METTL25: variants seen among roughly 807,000 people sequenced by gnomAD.
METTL25 encodes methyltransferase like 25.
METTL25 carries 64 observed loss-of-function variants against 71.6 expected under a neutral mutation model. The observed-to-expected ratio is 0.89, with a 90% CI of 0.73 to 1.10. The LOEUF is 1.10. Ranked by LOEUF, METTL25 falls within the 50% of genes least tolerant of loss-of-function variation. The probability of loss-of-function intolerance (pLI) is 0.00; values close to 1 mark genes in which losing one functional copy is unlikely to be tolerated. For synonymous variants in METTL25, 287 were observed against 250.3 expected (o/e 1.15, Z -1.38); for missense variants, 807 against 707.0 (o/e 1.14, Z -1.60).
intron 1 of METTL25, among the ~76,000 whole-genome samples, chr12:82,360,110 A>G (rs993143516): frequency 3.3e-5 from 5 of 152,208 alleles, no homozygotes; most frequent in East Asian, 1.9e-4. Context: ...TATTTGTTGA[A>G]TGGAGGAATT....
intron 3 of METTL25, among the ~76,000 whole-genome samples, chr12:82,392,403 A>G (rs549481691): frequency 3.3e-5 from 5 of 151,860 alleles, no homozygotes; most frequent in Admixed American, 6.6e-5. Context: ...ATGATTTCCA[A>G]TTTCATCCAT....
intron 8 of METTL25, among the ~76,000 whole-genome samples, chr12:82,454,720 G>A (rs1315556952): frequency 6.6e-6 from 1 of 151,778 alleles, no homozygotes; most frequent in Non-Finnish European, 1.5e-5. Flanking sequence ...ACAACACCCA[G>A]GAAACAAACC....
intron 1 of METTL25, among the ~76,000 whole-genome samples, chr12:82,372,768 G>A (rs1039633011): frequency 5.3e-5 from 8 of 152,094 alleles, no homozygotes; most frequent in Admixed American, 3.9e-4. Flanking sequence ...AGACAAAACC[G>A]CCTGTGATTT....
chr12:82,479,197 A>G lies in METTL25; in HGVS notation c.*173A>G. 1 of 509,972 alleles carries G rather than the reference A, an allele frequency of 2.0e-6. No individual in the cohort carries two copies. Among genetic ancestry groups the G allele is most frequent in the Non-Finnish European group, 3.5e-6 (1 of 287,040 alleles). The allele number at this position is 509,972 out of a possible 1,614,324, so 31.6% of individuals were successfully genotyped here. ...TTATAATCCATTTTTCCATTGTCAA[A>G]GCATACATTAATAAAAGAAGAACCT... On this transcript the variant is annotated 3_prime_UTR_variant, in exon 12 of 12. Transcript: ENST00000248306.
chr12:82,408,597 C>CGTGTGTGTGTGTGT (rs56872887), intron 5 of METTL25, among the ~76,000 whole-genome samples: 244 of 147,736 alleles, frequency 1.7e-3, no homozygotes, highest in African/African-American at 5.2e-3. Flanking sequence ...GATGTGACTC[C>CGTGTGTGTGTGTGT]GTGTGTGTGT....
At chr12:82,432,772 A>AGGAACAATTCT (rs1889613501) in intron 6 of METTL25, among the ~76,000 whole-genome samples, 1 of 151,312 alleles carries the variant, frequency 6.6e-6, no homozygotes, top group South Asian at 2.1e-4. Flanking sequence ...GGAAAATCTA[A>AGGAACAATTCT]GGAACAATTC....
chr12:82,374,239 T>G (rs1883575120), intron 1 of METTL25: 1 of 152,152 alleles, frequency 6.6e-6, no homozygotes, highest in Non-Finnish European at 1.5e-5. Flanking sequence ...ACCCAAAGAG[T>G]GAGCAACAGC....
At chr12:82,412,009 A>G (rs1216518057) in intron 5 of METTL25, among the ~76,000 whole-genome samples, 1 of 152,120 alleles carries the variant, frequency 6.6e-6, no homozygotes, top group Non-Finnish European at 1.5e-5. Flanking sequence ...CAAAGCATAT[A>G]ATGACCACAA....
chr12:82,410,565 A>T (rs971990264), intron 5 of METTL25, among the ~76,000 whole-genome samples: 28 of 152,230 alleles, frequency 1.8e-4, no homozygotes, highest in African/African-American at 6.5e-4. Flanking sequence ...GCTACAGTTC[A>T]GCTAGATCCT....
intron 5 of METTL25, among the ~76,000 whole-genome samples, chr12:82,421,813 C>T (rs1204880074): frequency 6.6e-6 from 1 of 152,120 alleles, no homozygotes. Context: ...TGGATAAATT[C>T]CTTGACACAT....
intron 8 of METTL25, among the ~76,000 whole-genome samples, chr12:82,445,489 T>A (rs562084065): frequency 6.6e-6 from 1 of 152,322 alleles, no homozygotes; most frequent in South Asian, 2.1e-4. Flanking sequence ...CGAGTATTCG[T>A]TTAAAACACT....
At chr12:82,436,939 T>G (rs1209766431) in intron 7 of METTL25, among the ~76,000 whole-genome samples, 1 of 151,652 alleles carries the variant, frequency 6.6e-6, no homozygotes, top group Non-Finnish European at 1.5e-5. Flanking sequence ...ACTTTGAATT[T>G]CAATAAAATG....
intron 1 of METTL25, among the ~76,000 whole-genome samples, chr12:82,359,546 G>C (rs1224386310): frequency 1.3e-5 from 2 of 152,218 alleles, no homozygotes; most frequent in African/African-American, 4.8e-5. Flanking sequence ...AATAGACTAG[G>C]GCAAAAGCTG....
At chr12:82,376,732 T>A (rs1479690162) in intron 1 of METTL25, among the ~76,000 whole-genome samples, 3 of 152,234 alleles carry the variant, frequency 2.0e-5, no homozygotes, top group Non-Finnish European at 2.9e-5. Flanking sequence ...AAGACAAATG[T>A]GGAAGCATAA....
At chr12:82,439,904 C>T (rs1435463660) in intron 8 of METTL25, 3 of 760,832 alleles carry the variant, frequency 3.9e-6, no homozygotes, top group Non-Finnish European at 4.8e-6. Context: ...TGTTTCTGTT[C>T]TTTTCTAAAC....
chr12:82,364,981 A>T (rs1181519045), intron 1 of METTL25, among the ~76,000 whole-genome samples: 1 of 152,192 alleles, frequency 6.6e-6, no homozygotes, highest in Non-Finnish European at 1.5e-5. Context: ...CTGTTTATAG[A>T]TGAGTAAATT....
intron 5 of METTL25, among the ~76,000 whole-genome samples, chr12:82,407,517 C>CA (rs1887195891): frequency 6.6e-6 from 1 of 152,148 alleles, no homozygotes; most frequent in South Asian, 2.1e-4. Context: ...TTGATATGAT[C>CA]AGGCAAACAA....
At chr12:82,454,520 C>G (rs973968439) in intron 8 of METTL25, among the ~76,000 whole-genome samples, 1 of 151,862 alleles carries the variant, frequency 6.6e-6, no homozygotes, top group Non-Finnish European at 1.5e-5. Flanking sequence ...TGAAATAATA[C>G]AGATTAACAA....
At chr12:82,389,044 C>CCAGTCCTACATTTCAGTTCCCTACCACT (rs1436922431) in intron 2 of METTL25, 22 of 152,206 alleles carry the variant, frequency 1.4e-4, no homozygotes, top group African/African-American at 5.3e-4. Flanking sequence ...AATAACCATT[C>CCAGTCCTACATTTCAGTTCCCTACCACT]CAGTCCTACA....
Sources: allele counts gnomAD v4.1 joint callset (sites outside exome capture counted in the v4.1 genomes callset), GRCh38; gene constraint gnomAD v4.1.1; transcripts MANE v1.5; gene names NCBI Gene and HGNC (gene_info 2026-07-23, HGNC 2026-07-21).